The following LRRC7 variants were observed in gnomAD, a reference collection of about 807,000 sequenced individuals.
LRRC7 encodes the protein leucine-rich repeat-containing protein 7.
In LRRC7, 23 loss-of-function variants were observed where a neutral mutation model predicts 175.7. The observed-to-expected ratio is 0.13, with a 90% CI of 0.09 to 0.19. The LOEUF (loss-of-function observed/expected upper bound fraction) is 0.19. Ranked by LOEUF, LRRC7 falls within the 10% of genes least tolerant of loss-of-function variation. The pLI is 1.00. For synonymous variants in LRRC7, 685 were observed against 680.9 expected (o/e 1.01, Z -0.09); for missense variants, 1,354 against 1,904.7 (o/e 0.71, Z 5.38).
intron 2 of LRRC7, among the ~76,000 whole-genome samples, chr1:69,732,890 A>G (rs1039098931): frequency 6.6e-6 from 1 of 152,064 alleles, no homozygotes; most frequent in African/African-American, 2.4e-5. Context: ...GGGATTCCAT[A>G]CATTCCTGAG....
chr1:69,671,098 A>G (rs928805853), intron 1 of LRRC7, among the ~76,000 whole-genome samples: 2 of 152,038 alleles, frequency 1.3e-5, no homozygotes, highest in Non-Finnish European at 2.9e-5. Context: ...TCCCATAGCC[A>G]CCACAACTGG....
chr1:69,940,785 A>G (rs530888540), intron 8 of LRRC7, among the ~76,000 whole-genome samples: 46 of 152,268 alleles, frequency 3.0e-4, no homozygotes, highest in African/African-American at 1.1e-3. Context: ...ATTATATTTA[A>G]AGTAATTCAA....
At chr1:70,115,440 T>A in intron 26 of LRRC7, among the ~76,000 whole-genome samples, 1 of 150,136 alleles carries the variant, frequency 6.7e-6, no homozygotes, top group African/African-American at 2.4e-5. Flanking sequence ...TTTGCCAGGT[T>A]TTTTGTTTTG....
chr1:69,652,884 A>T (rs1656066220), intron 1 of LRRC7, among the ~76,000 whole-genome samples: 1 of 152,136 alleles, frequency 6.6e-6, no homozygotes, highest in South Asian at 2.1e-4. Flanking sequence ...TTCAATGGGG[A>T]AAGGATAGTT....
At chr1:70,052,046 G>A (rs1660789558) in intron 22 of LRRC7, among the ~76,000 whole-genome samples, 1 of 152,020 alleles carries the variant, frequency 6.6e-6, no homozygotes, top group Non-Finnish European at 1.5e-5. Context: ...TATCAGTAGG[G>A]ATCCTTTAGA....
intron 23 of LRRC7, among the ~76,000 whole-genome samples, chr1:70,062,516 C>T (rs941188544): frequency 6.6e-6 from 1 of 151,810 alleles, no homozygotes; most frequent in Non-Finnish European, 1.5e-5. Flanking sequence ...AGTTACTGTC[C>T]CCCTAACTGC....
intron 7 of LRRC7, among the ~76,000 whole-genome samples, chr1:69,858,805 C>A (rs1449267252): frequency 6.6e-6 from 1 of 152,090 alleles, no homozygotes; most frequent in African/African-American, 2.4e-5. Flanking sequence ...AGTTATCTGA[C>A]CTCTAGTTCT....
At chr1:69,841,349 A>G (rs1427965816) in intron 7 of LRRC7, among the ~76,000 whole-genome samples, 7 of 152,094 alleles carry the variant, frequency 4.6e-5, no homozygotes, top group Non-Finnish European at 8.8e-5. Flanking sequence ...GTGATGTACT[A>G]TGATGTCTAC....
intron 2 of LRRC7, among the ~76,000 whole-genome samples, chr1:69,719,805 A>G (rs149611984): frequency 5.3e-5 from 8 of 151,764 alleles, no homozygotes; most frequent in African/African-American, 1.9e-4. Context: ...AACCACTCAA[A>G]AGATAACCAC....
chr1:69,952,926 C>T (rs934621770), intron 8 of LRRC7, among the ~76,000 whole-genome samples: 4 of 144,826 alleles, frequency 2.8e-5, no homozygotes, highest in African/African-American at 1.0e-4. Flanking sequence ...CACTACATTC[C>T]AGAGGGCTTA....
intron 25 of LRRC7, among the ~76,000 whole-genome samples, chr1:70,096,587 G>T (rs1184612767): frequency 6.6e-6 from 1 of 150,792 alleles, no homozygotes; most frequent in Non-Finnish European, 1.5e-5. Context: ...GTTCTCTGTT[G>T]AAAGAGAAAA....
intron 1 of LRRC7, among the ~76,000 whole-genome samples, chr1:69,642,231 C>T (rs532148207): frequency 1.2e-4 from 18 of 151,732 alleles, no homozygotes; most frequent in Non-Finnish European, 2.2e-4. Context: ...ACATGGGTAC[C>T]ATATCAGAGA....
chr1:69,622,434 G>A (rs1276815894), intron 1 of LRRC7, among the ~76,000 whole-genome samples: 2 of 152,118 alleles, frequency 1.3e-5, no homozygotes, highest in African/African-American at 4.8e-5. Flanking sequence ...TCTTTTCTAA[G>A]AGTCTGGAGA....
intron 1 of LRRC7, among the ~76,000 whole-genome samples, chr1:69,642,693 A>G (rs1344919519): frequency 6.6e-6 from 1 of 152,064 alleles, no homozygotes; most frequent in East Asian, 1.9e-4. Context: ...GGCTGACAAC[A>G]TGAAAACATC....
rs1032966513 is a variant in LRRC7, at chr1:70,129,902, T to G, written c.*8015T>G. On this transcript the variant is annotated 3_prime_UTR_variant, in exon 27 of 27. Coordinates refer to ENST00000651989, the MANE Select transcript of LRRC7 (RefSeq NM_001370785.2). ...CAGTGTTTTAGACACATATAAATCCTTACTTTTCCAAGTATTCGCTGTGTT... is the reference window on the plus strand; with the variant it reads ...CAGTGTTTTAGACACATATAAATCCGTACTTTTCCAAGTATTCGCTGTGTT... Among the ~76,000 whole-genome samples the G allele has an allele frequency of 1.3e-5, 2 of 152,218 alleles. No homozygotes were observed. The highest frequency in any genetic ancestry group is 4.8e-5 in the African/African-American group (2 of 41,446).
rs1646400083 is a variant in LRRC7 at position 69,586,272 on chromosome 1, C to T, written c.2+17631C>T. Among the ~76,000 whole-genome samples, 4 of 152,270 alleles carry T rather than the reference C, an allele frequency of 2.6e-5. No homozygotes were observed. In the South Asian group the frequency reaches 8.3e-4, roughly 32 times the overall value. ...TGGTCTCTCTGACTTTAGTTTCTGT[C>T]ACCATCTGTCAGACTAATCTTTGTA... is the stretch of plus-strand genomic sequence containing the variant. On this transcript the variant is annotated intron_variant, in intron 1 of 26. Coordinates refer to ENST00000651989, the MANE Select transcript of LRRC7 (RefSeq NM_001370785.2).
At chr1:69,922,884 A>C (rs981426418) in intron 7 of LRRC7, among the ~76,000 whole-genome samples, 1 of 151,968 alleles carries the variant, frequency 6.6e-6, no homozygotes, top group African/African-American at 2.4e-5. Context: ...GTATGTATAC[A>C]TACGCCATGC....
intron 1 of LRRC7, among the ~76,000 whole-genome samples, chr1:69,649,047 G>A (rs1655405052): frequency 6.6e-6 from 1 of 152,156 alleles, no homozygotes; most frequent in African/African-American, 2.4e-5. Flanking sequence ...TAAACATTAC[G>A]ATGCAGTTTT....
intron 7 of LRRC7, among the ~76,000 whole-genome samples, chr1:69,888,892 G>A (rs1295577539): frequency 3.3e-5 from 5 of 152,160 alleles, no homozygotes; most frequent in African/African-American, 4.8e-5. Context: ...AATATGCTAA[G>A]AGAGTGGATC....
Sources: gnomAD v4.1 joint callset for allele counts (sites outside exome capture counted in the v4.1 genomes callset) on GRCh38, gnomAD v4.1.1 for gene constraint, MANE v1.5 for transcripts, NCBI Gene and HGNC (gene_info 2026-07-23, HGNC 2026-07-21) for gene names.